Variants in RGS7 observed in about 807,000 individuals in gnomAD.
The protein encoded by RGS7 is regulator of G-protein signaling 7.
RGS7 carries 27 observed loss-of-function variants against 81.1 expected under a neutral mutation model. The ratio of observed to expected loss-of-function variants is 0.33; its 90% CI spans 0.25 to 0.46. The LOEUF (loss-of-function observed/expected upper bound fraction) is 0.46. Ranked by LOEUF, RGS7 falls within the 20% of genes least tolerant of loss-of-function variation. RGS7 has a pLI of 1.00. For synonymous variants in RGS7, 208 were observed against 207.7 expected (o/e 1.00, Z -0.01); for missense variants, 396 against 607.4 (o/e 0.65, Z 3.66).
intron 4 of RGS7, among the ~76,000 whole-genome samples, chr1:240,960,950 T>C (rs1681327498): frequency 6.6e-6 from 1 of 152,088 alleles, no homozygotes. Context: ...TGAATATAGG[T>C]AAGTTGGATA....
chr1:240,812,076 C>T (rs1255493227), intron 13 of RGS7, 33 bp from the exon 14 acceptor site: 3 of 1,613,430 alleles, frequency 1.9e-6, no homozygotes, highest in South Asian at 2.2e-5. Flanking sequence ...AAATACATTC[C>T]TTTCATTAGA....
chr1:240,977,450 T>C (rs1336589590), intron 4 of RGS7, among the ~76,000 whole-genome samples: 1 of 152,276 alleles, frequency 6.6e-6, no homozygotes, highest in Non-Finnish European at 1.5e-5. Context: ...ACATATCTTT[T>C]AGATTCTTAC....
At chr1:240,804,537 A>AT (rs138542840) in intron 15 of RGS7, among the ~76,000 whole-genome samples, 6,467 of 151,714 alleles carry the variant, frequency 0.043, 140 homozygotes, top group East Asian at 0.1. Context: ...TTTCTATAGA[A>AT]TTTTTTTTTC....
At chr1:240,983,927 G>A (rs1685290330) in intron 3 of RGS7, among the ~76,000 whole-genome samples, 1 of 152,324 alleles carries the variant, frequency 6.6e-6, no homozygotes, top group South Asian at 2.1e-4. Context: ...ACACAGAAGA[G>A]ACAAGAGAGG....
At chr1:241,051,975 T>C (rs921143115) in intron 3 of RGS7, among the ~76,000 whole-genome samples, 6 of 152,128 alleles carry the variant, frequency 3.9e-5, no homozygotes, top group Admixed American at 6.6e-5. Flanking sequence ...GCCTCTATAG[T>C]TTTGCACTGA....
intron 3 of RGS7, among the ~76,000 whole-genome samples, chr1:240,993,687 G>GA (rs954755875): frequency 1.2e-3 from 168 of 141,476 alleles, no homozygotes; most frequent in South Asian, 3.4e-3. Flanking sequence ...GTCTTTTTCA[G>GA]AAAAAAAAAA....
chr1:241,334,264 T>C (rs1443423138), intron 2 of RGS7, among the ~76,000 whole-genome samples: 1 of 152,106 alleles, frequency 6.6e-6, no homozygotes, highest in African/African-American at 2.4e-5. Flanking sequence ...CTTTTTCCCA[T>C]AAAGAGTAAT....
chr1:241,023,138 C>A (rs191314176), intron 3 of RGS7, among the ~76,000 whole-genome samples: 1 of 147,802 alleles, frequency 6.8e-6, no homozygotes, highest in Admixed American at 6.8e-5. Context: ...TGTAAAATAA[C>A]AACTATGAGA....
In RGS7 at chr1:240,913,812, T is replaced by A. The variant is rs559462167; in HGVS notation, c.385+16905A>T. Among the ~76,000 whole-genome samples the A allele has an allele frequency of 8.5e-5, 13 of 152,160 alleles. No individual in the cohort carries two copies. In the East Asian group the frequency reaches 2.5e-3, roughly 29 times the overall value. ...TGTTTTTTTTTTATTTTGAACAAAC[T>A]GTTATCTGTTAAATTAACAATAAGA... On this transcript the variant is annotated intron_variant, in intron 6 of 18. Coordinates refer to ENST00000440928, the MANE Select transcript of RGS7 (RefSeq NM_001364886.1).
chr1:241,275,764 C>T (rs1295007098), intron 2 of RGS7, among the ~76,000 whole-genome samples: 2 of 152,210 alleles, frequency 1.3e-5, no homozygotes, highest in Non-Finnish European at 2.9e-5. Flanking sequence ...CATTGCCATT[C>T]CAGGAGACAG....
At chr1:241,106,516 C>T (rs976265280) in intron 2 of RGS7, among the ~76,000 whole-genome samples, 4 of 151,984 alleles carry the variant, frequency 2.6e-5, no homozygotes, top group African/African-American at 7.2e-5. Flanking sequence ...GAGTTTGAGA[C>T]CAGCCTGGCC....
chr1:241,156,470 C>T (rs368754524), intron 2 of RGS7, among the ~76,000 whole-genome samples: 125 of 151,344 alleles, frequency 8.3e-4, no homozygotes, highest in African/African-American at 2.9e-3. Context: ...TGTGCCACTG[C>T]ACTCCAGCCT....
intron 10 of RGS7, among the ~76,000 whole-genome samples, chr1:240,817,179 T>A (rs1690950803): frequency 6.6e-6 from 1 of 152,240 alleles, no homozygotes; most frequent in African/African-American, 2.4e-5. Flanking sequence ...TGTAACTGAC[T>A]ATGAGACATC....
intron 6 of RGS7, chr1:240,919,758 T>C (rs549521047): frequency 1.1e-5 from 7 of 654,902 alleles, no homozygotes; most frequent in East Asian, 2.6e-5. Context: ...TTTTCAGCAA[T>C]GGGGAATGCT....
At chr1:240,956,420 T>C (rs901250740) in intron 4 of RGS7, among the ~76,000 whole-genome samples, 2 of 148,870 alleles carry the variant, frequency 1.3e-5, no homozygotes, top group Non-Finnish European at 3.0e-5. Context: ...TTCATGCTGA[T>C]GTAAATAAAT....
rs200028658 is a variant in RGS7 at position 241,239,863 on chromosome 1, G to A, written c.78+115836C>T. Among the ~76,000 whole-genome samples, 605 of 152,280 alleles carry A rather than the reference G, an allele frequency of 4.0e-3. 2 individuals are homozygous for A. Among genetic ancestry groups the A allele is most frequent in the Non-Finnish European group, 6.9e-3 (470 of 68,020 alleles). ...GCTAGGCAGCGTGCAGAGAACTAGA[G>A]GGCCATCGATGACTTCTTTGCCTGC... On this transcript the variant is annotated intron_variant, in intron 2 of 18. Coordinates refer to ENST00000440928, the MANE Select transcript of RGS7 (RefSeq NM_001364886.1).
chr1:241,142,925 G>C (rs890138754), intron 2 of RGS7, among the ~76,000 whole-genome samples: 7 of 152,122 alleles, frequency 4.6e-5, no homozygotes, highest in African/African-American at 1.7e-4. Context: ...CTCTTGAATG[G>C]TTTGCTACTT....
Position 241,129,036 on chromosome 1 carries a change from C to T in RGS7, c.79-30274G>A, listed in dbSNP as rs562927162. Among the ~76,000 whole-genome samples the T allele has an allele frequency of 3.9e-4, 60 of 152,124 alleles. 1 individual carries two copies. The South Asian group carries it at 7.3e-3, about 18-fold the overall frequency. ...ATACACAATTAGCATGGAGGAGAGA[C>T]GTAATTAAACATAACTTTAGATAAT... On this transcript the variant is annotated intron_variant, in intron 2 of 18. Coordinates refer to ENST00000440928, the MANE Select transcript of RGS7 (RefSeq NM_001364886.1).
chr1:240,995,980 G>A (rs1687224521), intron 3 of RGS7, among the ~76,000 whole-genome samples: 1 of 151,548 alleles, frequency 6.6e-6, no homozygotes, highest in Non-Finnish European at 1.5e-5. Context: ...TGCTTTAGCA[G>A]TGTTCCACAA....
Sources: gnomAD v4.1 joint callset for allele counts (sites outside exome capture counted in the v4.1 genomes callset) on GRCh38, gnomAD v4.1.1 for gene constraint, MANE v1.5 for transcripts, NCBI Gene and HGNC (gene_info 2026-07-23, HGNC 2026-07-21) for gene names.